C1orf21: variants seen among roughly 807,000 people sequenced by gnomAD.
The protein encoded by C1orf21 is uncharacterized protein C1orf21.
A neutral mutation model predicts 18.7 loss-of-function variants in C1orf21; 3 were observed. That is an observed-to-expected ratio of 0.16 (90% CI 0.07 to 0.42). The LOEUF (loss-of-function observed/expected upper bound fraction) is 0.42, where lower values mean the gene tolerates loss of function less well. C1orf21 is among the 10% of genes least tolerant of loss of function. The pLI is 0.99. For missense variants in C1orf21, 104 were observed against 143.6 expected, an observed-to-expected ratio of 0.72 and a Z score of 1.41; for synonymous variants, 41 against 46.4, an observed-to-expected ratio of 0.88 and a Z score of 0.47.
At chr1:184,584,264 A>T (rs746439860) in intron 3 of C1orf21, among the ~76,000 whole-genome samples, 6 of 151,834 alleles carry the variant, frequency 4.0e-5, no homozygotes, top group Admixed American at 6.6e-5. Flanking sequence ...CAAATGCGCC[A>T]ACAAGTTAAG....
chr1:184,404,000 A>G (rs1338636176), intron 1 of C1orf21, among the ~76,000 whole-genome samples: 2 of 152,230 alleles, frequency 1.3e-5, no homozygotes. Flanking sequence ...GAAGGAACAT[A>G]ATAAATAGGA....
intron 3 of C1orf21, among the ~76,000 whole-genome samples, chr1:184,566,144 G>A (rs1571280255): frequency 6.6e-6 from 1 of 152,264 alleles, no homozygotes; most frequent in Middle Eastern, 3.4e-3. Flanking sequence ...TTCCCGATAG[G>A]AGTCGAGGTG....
chr1:184,410,617 T>TTTTATATATATATA (rs1553247966), intron 1 of C1orf21, among the ~76,000 whole-genome samples: 1 of 21,156 alleles, frequency 4.7e-5, no homozygotes, highest in Non-Finnish European at 6.9e-5. Flanking sequence ...GCCATATATA[T>TTTTATATATATATA]TATATATATA....
chr1:184,606,091 G>A (rs1322570639), intron 5 of C1orf21, among the ~76,000 whole-genome samples: 2 of 152,226 alleles, frequency 1.3e-5, no homozygotes, highest in African/African-American at 4.8e-5. Flanking sequence ...ATGTTCAGGA[G>A]TTAGATTCTT....
intron 1 of C1orf21, among the ~76,000 whole-genome samples, chr1:184,472,143 G>T (rs1202735671): frequency 1.3e-5 from 2 of 151,740 alleles, no homozygotes; most frequent in Non-Finnish European, 2.9e-5. Context: ...TATATATATA[G>T]ATATATATTT....
At chr1:184,388,234 A>C (rs766218575) in intron 1 of C1orf21, among the ~76,000 whole-genome samples, 2 of 152,104 alleles carry the variant, frequency 1.3e-5, no homozygotes, top group Non-Finnish European at 2.9e-5. Context: ...TTCTCTTCTA[A>C]AGCTCTGAAT....
At chr1:184,529,274 G>C (rs1658424233) in intron 3 of C1orf21, among the ~76,000 whole-genome samples, 1 of 152,086 alleles carries the variant, frequency 6.6e-6, no homozygotes, top group African/African-American at 2.4e-5. Context: ...CTTTGCACCA[G>C]ATCCTGTGCT....
At chr1:184,431,927 C>T (rs1050196277) in intron 1 of C1orf21, among the ~76,000 whole-genome samples, 1 of 152,212 alleles carries the variant, frequency 6.6e-6, no homozygotes, top group African/African-American at 2.4e-5. Flanking sequence ...AAAAAATGCT[C>T]ATCATCACTG....
chr1:184,522,607 A>G (rs945915336), intron 3 of C1orf21, among the ~76,000 whole-genome samples: 1 of 152,198 alleles, frequency 6.6e-6, no homozygotes, highest in African/African-American at 2.4e-5. Context: ...AGCTGAAATA[A>G]TTTGAGCAAC....
intron 1 of C1orf21, among the ~76,000 whole-genome samples, chr1:184,458,737 TAA>T (rs35836510): frequency 6.6e-6 from 1 of 152,182 alleles, no homozygotes; most frequent in Non-Finnish European, 1.5e-5. Context: ...ATATGTGCCA[TAA>T]AAAATCTTTA....
chr1:184,467,989 T>G (rs952177376), intron 1 of C1orf21, among the ~76,000 whole-genome samples: 8 of 89,162 alleles, frequency 9.0e-5, no homozygotes, highest in African/African-American at 4.1e-4. Flanking sequence ...GCTTTTATGG[T>G]GTGTGTGTGT....
intron 2 of C1orf21, among the ~76,000 whole-genome samples, chr1:184,498,373 G>A (rs1657925171): frequency 2.0e-5 from 3 of 152,200 alleles, no homozygotes; most frequent in African/African-American, 7.2e-5. Flanking sequence ...GCATCCATGC[G>A]TGTATGTCTA....
chr1:184,433,254 TCTC>T (rs1294861749), intron 1 of C1orf21, among the ~76,000 whole-genome samples: 4 of 151,740 alleles, frequency 2.6e-5, no homozygotes, highest in Admixed American at 6.7e-5. Context: ...CCTTTCTTCT[TCTC>T]CTCAGAGTGC....
intron 3 of C1orf21, among the ~76,000 whole-genome samples, chr1:184,528,881 A>T (rs1658416951): frequency 6.6e-6 from 1 of 152,172 alleles, no homozygotes; most frequent in Non-Finnish European, 1.5e-5. Flanking sequence ...GCATATTCCC[A>T]AATACAGCCA....
intron 1 of C1orf21, among the ~76,000 whole-genome samples, chr1:184,447,694 T>G (rs1256201971): frequency 1.3e-5 from 2 of 152,226 alleles, no homozygotes; most frequent in Non-Finnish European, 2.9e-5. Flanking sequence ...TTCTCGTTAT[T>G]TGGTACAATG....
chr1:184,507,548 A>G, intron 2 of C1orf21, 40 bp from the exon 3 acceptor site: 1 of 1,529,680 alleles, frequency 6.5e-7, no homozygotes, highest in Non-Finnish European at 8.9e-7. Context: ...TACTATTGGG[A>G]AAAAAATTAT....
At chr1:184,546,104 T>C (rs1328670768) in intron 3 of C1orf21, 9 of 152,216 alleles carry the variant, frequency 5.9e-5, no homozygotes, top group Non-Finnish European at 1.3e-4. Flanking sequence ...TTACAGCATA[T>C]CTATGGCTTT....
rs189954794 is a variant in C1orf21 at position 184,541,494 on chromosome 1, T to G, written c.189+33812T>G. 7.6e-3 allele frequency among the ~76,000 whole-genome samples: 1,150 copies of G among 152,270 alleles called. 6 individuals carry two copies. The highest frequency in any genetic ancestry group is 0.02 in the Middle Eastern group (6 of 294). On this transcript the variant is annotated intron_variant, in intron 3 of 5. Coordinates refer to ENST00000235307, the MANE Select transcript of C1orf21 (RefSeq NM_030806.4). The stretch of plus-strand genomic sequence containing the variant: ...TCTTTAGGTCTCCAGCTAAGGCTGT[T>G]TATAAGTGGCCTGTCTGGATGTCTT...
chr1:184,619,819 T>A lies in C1orf21; in HGVS notation c.*263T>A. 2.7e-6 allele frequency: 1 copy of A among 368,116 alleles called. No homozygotes were observed. Among genetic ancestry groups the A allele is most frequent in the Non-Finnish European group, 4.8e-6 (1 of 208,068 alleles). The allele number at this position is 368,116 out of a possible 1,614,324, so 22.8% of individuals were successfully genotyped here. On this transcript the variant is annotated 3_prime_UTR_variant, in exon 6 of 6. Transcript: ENST00000235307. ...GTTGCAACTTTTCACTTCTCTTGTG[T>A]CCAGGTATGCAGCAAAATTCTGCAA...
Sources: allele counts gnomAD v4.1 joint callset (sites outside exome capture counted in the v4.1 genomes callset), GRCh38; gene constraint gnomAD v4.1.1; transcripts MANE v1.5; gene names NCBI Gene and HGNC (gene_info 2026-07-23, HGNC 2026-07-21).